Variants in SOS1 observed in about 807,000 individuals in gnomAD.
SOS1 encodes the protein SOS Ras/Rac guanine nucleotide exchange factor 1, also known as son of sevenless homolog 1.
A neutral mutation model predicts 157.6 loss-of-function variants in SOS1; 25 were observed. The ratio of observed to expected loss-of-function variants is 0.16; its 90% CI spans 0.12 to 0.22. The LOEUF is 0.22. Among genes scored for constraint, SOS1 ranks in the 10% least tolerant of loss-of-function variants. The pLI is 1.00. For missense variants in SOS1, 1,237 were observed against 1,599.1 expected (o/e 0.77, Z 3.86); for synonymous variants, 528 against 534.0 (o/e 0.99, Z 0.16).
At position 38,987,580 on chromosome 2, in the gene SOS1, C is replaced by T. The variant is rs1486583060; in HGVS notation, c.3403G>A (p.Val1135Ile). The change falls in exon 22 of 23, where the codon GTA (valine) becomes ATA (isoleucine). Residue 1135 changes from valine to isoleucine, a missense_variant. Coordinates refer to ENST00000402219, the MANE Select transcript of SOS1 (RefSeq NM_005633.4). The stretch of plus-strand genomic sequence containing the variant: ...CCTTTGGTTAAACTTATAGATGATA[C>T]AGAAGCAGATCCTGTGGGATGTTAA... ...TLPHGPRSASVSSISLTKGTD... is the reference protein window; with the variant it reads ...TLPHGPRSASISSISLTKGTD... The T allele has an allele frequency of 2.6e-6, 4 of 1,514,594 alleles. No individual in the cohort carries two copies. In the South Asian group the frequency reaches 3.4e-5, roughly 13 times the overall value. The allele number at this position is 1,514,594 out of a possible 1,614,324, so 93.8% of individuals were successfully genotyped here.
At chr2:39,121,317 G>A (rs1435380424), upstream of SOS1, among the ~76,000 whole-genome samples, 1 of 152,146 alleles carries the variant, frequency 6.6e-6, no homozygotes, top group Non-Finnish European at 1.5e-5. Context: ...ACCCTTCTCG[G>A]AGTCCCTGGG....
chr2:39,084,320 T>A lies in SOS1; in HGVS notation c.88-16567A>T, dbSNP rs147308948. ...AGGTATTCTTAAGTGAGAAAACTCA[T>A]TAAAAAATGTAAAATACATAGAATT... On this transcript the variant is annotated intron_variant, in intron 1 of 22. Coordinates refer to ENST00000402219, the MANE Select transcript of SOS1 (RefSeq NM_005633.4). Among the ~76,000 whole-genome samples, 703 of 152,244 alleles carry A rather than the reference T, an allele frequency of 4.6e-3. 2 individuals carry two copies. Among genetic ancestry groups the A allele is most frequent in the Non-Finnish European group, 6.5e-3 (439 of 68,004 alleles).
At chr2:39,026,315 AC>A (rs1354398653) in intron 8 of SOS1, among the ~76,000 whole-genome samples, 1 of 149,636 alleles carries the variant, frequency 6.7e-6, no homozygotes, top group Non-Finnish European at 1.5e-5. Flanking sequence ...TGATCGTGCC[AC>A]TGCACTCCAG....
At chr2:39,008,408 A>T (rs1405314032) in intron 15 of SOS1, among the ~76,000 whole-genome samples, 1 of 152,210 alleles carries the variant, frequency 6.6e-6, no homozygotes, top group Non-Finnish European at 1.5e-5. Flanking sequence ...GCCCTGTTTC[A>T]AACAGATAGC....
intron 6 of SOS1, among the ~76,000 whole-genome samples, chr2:39,045,442 A>G (rs1436224081): frequency 1.3e-5 from 2 of 151,962 alleles, no homozygotes; most frequent in Non-Finnish European, 2.9e-5. Context: ...TCTACTTCTT[A>G]TATTTTGAGG....
chr2:39,043,511 T>C (rs113123394), intron 6 of SOS1, among the ~76,000 whole-genome samples: 1 of 152,322 alleles, frequency 6.6e-6, no homozygotes, highest in South Asian at 2.1e-4. Flanking sequence ...TTCCTGAAGA[T>C]TGGCAAAACT....
intron 1 of SOS1, among the ~76,000 whole-genome samples, chr2:39,099,058 A>G (rs980291157): frequency 1.4e-4 from 22 of 152,250 alleles, no homozygotes; most frequent in African/African-American, 5.1e-4. Flanking sequence ...CCACAATGAG[A>G]TATCACCTCA....
At position 39,064,741 on chromosome 2, in the gene SOS1, C is replaced by CTTTTT. The variant is rs1558496540; in HGVS notation, c.213+2886_213+2887insAAAAA. ...TTCAGATTGATCTATTTTTAAAATA[C>CTTTTT]ATTTTTTTTTTTTTTTTTTTTTTTG... On this transcript the variant is annotated intron_variant, in intron 2 of 22. Transcript: ENST00000402219. Among the ~76,000 whole-genome samples, 12 of 49,066 alleles carry CTTTTT rather than the reference C, an allele frequency of 2.4e-4. No homozygotes were observed. The Admixed American group carries it at 2.7e-3, about 11-fold the overall frequency. 32.2% of individuals were successfully genotyped at this position (49,066 alleles called of 152,430 possible). A position where few individuals can be genotyped will look rare whatever the true frequency, so the allele number is the denominator to read the frequency against.
rs1207657664 is a variant in SOS1, at chr2:38,997,445, G to A, written c.2792-20C>T. 1.9e-6 allele frequency: 3 copies of A among 1,553,448 alleles called. No homozygotes were observed. The highest frequency in any genetic ancestry group is 1.7e-5 in the Admixed American group (1 of 58,176). The stretch of plus-strand genomic sequence containing the variant: ...AAATTCCTAGAAGATATAATGGAAT[G>A]ATTTCAAGGATAAAGAAGGAAAATG... On this transcript the variant is annotated intron_variant, in intron 17 of 22. Coordinates refer to ENST00000402219, the MANE Select transcript of SOS1 (RefSeq NM_005633.4).
intron 1 of SOS1, among the ~76,000 whole-genome samples, chr2:39,111,858 C>G (rs563314597): frequency 2.8e-4 from 43 of 151,902 alleles, no homozygotes; most frequent in Non-Finnish European, 5.7e-4. Flanking sequence ...GCCTCCCGAA[C>G]AGCTGGGACT....
rs1240620836 is a variant in SOS1 at position 39,051,284 on chromosome 2, C to G, written c.724G>C (p.Val242Leu). 2.5e-6 allele frequency: 4 copies of G among 1,610,820 alleles called. No individual in the cohort carries two copies. The highest frequency in any genetic ancestry group is 1.7e-5 in the Admixed American group (1 of 59,998). Reference protein sequence around the residue: ...SNSKLFSANDVENIFSRIVDI... With the variant: ...SNSKLFSANDLENIFSRIVDI... ...ACTATGCGACTAAATATATTTTCTA[C>G]ATCCTGTTTGGGGGAAAACACATTA... The change falls in exon 6 of 23, where the codon GTA becomes CTA. Residue 242 changes from valine (V) to leucine (L), a missense_variant. This residue lies in a region of SOS1 where 108 missense variants were observed against 115.3 expected (regional missense o/e 0.94). Coordinates refer to ENST00000402219, the MANE Select transcript of SOS1 (RefSeq NM_005633.4).
chr2:39,086,775 A>C (rs547004359), intron 1 of SOS1, among the ~76,000 whole-genome samples: 21 of 152,262 alleles, frequency 1.4e-4, no homozygotes, highest in African/African-American at 4.6e-4. Flanking sequence ...AACTGTGGCA[A>C]ATACATTCTT....
At chr2:39,082,548 G>A (rs905898143) in intron 1 of SOS1, 1 of 152,186 alleles carries the variant, frequency 6.6e-6, no homozygotes, top group East Asian at 1.9e-4. Context: ...TTAGAGTACA[G>A]GTTGAAATCT....
At chr2:39,040,406 A>C (rs780722229) in intron 6 of SOS1, among the ~76,000 whole-genome samples, 51 of 152,104 alleles carry the variant, frequency 3.4e-4, no homozygotes, top group Non-Finnish European at 4.9e-4. Context: ...TTAATAGACA[A>C]TGTGCAACGG....
At chr2:38,993,583 ATTATT>A (rs1290356733) in intron 20 of SOS1, 1 of 152,210 alleles carries the variant, frequency 6.6e-6, no homozygotes, top group Non-Finnish European at 1.5e-5. Flanking sequence ...CTACCAAAGA[ATTATT>A]TTAAGTATAT....
At chr2:39,114,544 C>G (rs1673573280) in intron 1 of SOS1, among the ~76,000 whole-genome samples, 1 of 152,072 alleles carries the variant, frequency 6.6e-6, no homozygotes, top group African/African-American at 2.4e-5. Context: ...CTCAGGTGAT[C>G]CCCCGCCTCA....
At chr2:39,104,956 A>T (rs908465455) in intron 1 of SOS1, among the ~76,000 whole-genome samples, 10 of 152,232 alleles carry the variant, frequency 6.6e-5, no homozygotes, top group African/African-American at 2.4e-4. Flanking sequence ...GAATGTAATT[A>T]ATGGCCTTCA....
chr2:39,100,872 C>A (rs748962568), intron 1 of SOS1, among the ~76,000 whole-genome samples: 34 of 152,098 alleles, frequency 2.2e-4, no homozygotes, highest in Non-Finnish European at 1.2e-4. Context: ...TGAGCCGAGA[C>A]TGCACCACTG....
At chr2:39,036,430 A>C (rs1190137451) in intron 6 of SOS1, among the ~76,000 whole-genome samples, 1 of 152,064 alleles carries the variant, frequency 6.6e-6, no homozygotes, top group Non-Finnish European at 1.5e-5. Flanking sequence ...GGCTCACTAC[A>C]ACCTCTGCCC....
Sources: allele counts gnomAD v4.1 joint callset (sites outside exome capture counted in the v4.1 genomes callset), GRCh38; gene constraint gnomAD v4.1.1; regional missense constraint gnomAD v4.1.1; transcripts MANE v1.5; gene names NCBI Gene and HGNC (gene_info 2026-07-23, HGNC 2026-07-21).